The following RFTN1 variants were observed in gnomAD, a reference collection of about 807,000 sequenced individuals.
The protein encoded by RFTN1 is raftlin, lipid raft linker 1, also known as raftlin.
In RFTN1, 26 loss-of-function variants were observed where a neutral mutation model predicts 46.5. The ratio of observed to expected loss-of-function variants is 0.56; its 90% CI spans 0.41 to 0.78. The LOEUF is 0.78. Ranked by LOEUF, RFTN1 falls within the 30% of genes least tolerant of loss-of-function variation. RFTN1 has a pLI of 0.00. For missense variants in RFTN1, 693 were observed against 718.7 expected (o/e 0.96, Z 0.41); for synonymous variants, 261 against 284.2 (o/e 0.92, Z 0.82).
At chr3:16,434,995 G>T (rs2075474585) in intron 2 of RFTN1, among the ~76,000 whole-genome samples, 1 of 152,060 alleles carries the variant, frequency 6.6e-6, no homozygotes, top group Non-Finnish European at 1.5e-5. Flanking sequence ...TTTAAAATTT[G>T]GATTTTTAAT....
chr3:16,495,335 T>C (rs2076606916), intron 1 of RFTN1, among the ~76,000 whole-genome samples: 1 of 152,232 alleles, frequency 6.6e-6, no homozygotes, highest in Non-Finnish European at 1.5e-5. Context: ...AGCTTCTAAG[T>C]GTTGGGAACA....
chr3:16,432,870 C>A (rs891513922), intron 3 of RFTN1, among the ~76,000 whole-genome samples: 1 of 152,094 alleles, frequency 6.6e-6, no homozygotes, highest in Admixed American at 6.5e-5. Context: ...GCTTGATCAA[C>A]CATGAAGAAA....
intron 3 of RFTN1, among the ~76,000 whole-genome samples, chr3:16,414,983 C>T (rs1471103886): frequency 1.3e-5 from 2 of 151,996 alleles, no homozygotes; most frequent in Non-Finnish European, 2.9e-5. Flanking sequence ...AGAGGAAGTC[C>T]GTGGAGGGTG....
rs564966017 is a variant in RFTN1 at position 16,341,760 on chromosome 3, C to T, written c.1147-14884G>A. On this transcript the variant is annotated intron_variant, in intron 7 of 9. Transcript: ENST00000334133. This position sits in a 1 kb window ranked among gnomAD's most constrained non-coding sequence, Gnocchi z 4.7. ...TTAAAATTTTTCATAGATTGAAGTA[C>T]TCTATGGCCATTACAAATAATGAAG... Among the ~76,000 whole-genome samples the T allele has an allele frequency of 1.3e-5, 2 of 152,214 alleles. No homozygotes were observed. Among genetic ancestry groups the T allele is most frequent in the South Asian group, 2.1e-4 (1 of 4,820 alleles).
rs1177961432 is a variant in RFTN1, at chr3:16,484,783, A to C, written c.145+8942T>G. On this transcript the variant is annotated intron_variant, in intron 2 of 9. Transcript: ENST00000334133. This position sits in a 1 kb window ranked among gnomAD's most constrained non-coding sequence, Gnocchi z 4.6. ...AGGCTTTGCTGTTCAGTAAAACTACAAGATATCCTGCAAAGCTCCAAGTGC... is the reference window on the plus strand; with the variant it reads ...AGGCTTTGCTGTTCAGTAAAACTACCAGATATCCTGCAAAGCTCCAAGTGC... The C allele has an allele frequency of 2.6e-5, 4 of 152,222 alleles. No individual in the cohort carries two copies. The highest frequency in any genetic ancestry group is 5.9e-5 in the Non-Finnish European group (4 of 68,028). 9.4% of individuals were successfully genotyped at this position (152,222 alleles called of 1,614,324 possible).
At position 16,429,562 on chromosome 3, in the gene RFTN1, G is replaced by A. The variant is rs1383525384; in HGVS notation, c.332+4289C>T. Among the ~76,000 whole-genome samples the A allele has an allele frequency of 1.3e-5, 2 of 152,146 alleles. No individual in the cohort carries two copies. The highest frequency in any genetic ancestry group is 4.8e-5 in the African/African-American group (2 of 41,414). ...CATATCTCATTTACTTAATTAGACT[G>A]CAAGTGCTTGGAAGGCAGGCTCCAC... On this transcript the variant is annotated intron_variant, in intron 3 of 9. Transcript: ENST00000334133. This position sits in a 1 kb window ranked among gnomAD's most constrained non-coding sequence, Gnocchi z 6.4.
chr3:16,439,048 T>C (rs537992723), intron 2 of RFTN1, among the ~76,000 whole-genome samples: 206 of 152,332 alleles, frequency 1.4e-3, no homozygotes, highest in African/African-American at 4.8e-3. Flanking sequence ...CTGAGCAATT[T>C]TGTGGCTTTA....
chr3:16,462,950 G>C (rs1356928580), intron 2 of RFTN1, among the ~76,000 whole-genome samples: 1 of 152,238 alleles, frequency 6.6e-6, no homozygotes, highest in African/African-American at 2.4e-5. Flanking sequence ...AAGAATGCAA[G>C]AGACAATGAG....
intron 6 of RFTN1, among the ~76,000 whole-genome samples, chr3:16,364,435 G>C (rs1335151329): frequency 6.6e-6 from 1 of 152,174 alleles, no homozygotes; most frequent in Non-Finnish European, 1.5e-5. Context: ...AGTAGACATT[G>C]AGCTACTACT....
At position 16,465,956 on chromosome 3, in the gene RFTN1, G is replaced by A. The variant is rs1295750590; in HGVS notation, c.145+27769C>T. On this transcript the variant is annotated intron_variant, in intron 2 of 9. Coordinates refer to ENST00000334133, the MANE Select transcript of RFTN1 (RefSeq NM_015150.2). The surrounding 1 kb of genome is among the most constrained non-coding windows in gnomAD (Gnocchi z 5.1). ...GCCTCCCTGACAAGATTCCATAGTTGTTTCTCTCAGCGCTTAGATTTCTCC... is the reference window on the plus strand; with the variant it reads ...GCCTCCCTGACAAGATTCCATAGTTATTTCTCTCAGCGCTTAGATTTCTCC... Among the ~76,000 whole-genome samples, 2 of 152,186 alleles carry A rather than the reference G, an allele frequency of 1.3e-5. No individual in the cohort carries two copies. Among genetic ancestry groups the A allele is most frequent in the Non-Finnish European group, 2.9e-5 (2 of 68,034 alleles).
intron 2 of RFTN1, among the ~76,000 whole-genome samples, chr3:16,445,483 T>TCTCTCACACACACACACA (rs1352210263): frequency 3.5e-4 from 44 of 126,856 alleles, no homozygotes; most frequent in African/African-American, 1.3e-3. Context: ...TCTCTCTCTC[T>TCTCTCACACACACACACA]CACACACACA....
At chr3:16,403,352 T>A (rs972852901) in intron 4 of RFTN1, among the ~76,000 whole-genome samples, 1 of 151,548 alleles carries the variant, frequency 6.6e-6, no homozygotes, top group Non-Finnish European at 1.5e-5. Context: ...CTTCTCTGTG[T>A]CTCAGTTTCT....
At chr3:16,343,247 A>G (rs2071427288) in intron 7 of RFTN1, among the ~76,000 whole-genome samples, 1 of 152,176 alleles carries the variant, frequency 6.6e-6, no homozygotes, top group African/African-American at 2.4e-5. Context: ...ATTAGTGGTA[A>G]TGGAACATCC....
rs958267423 is a variant in RFTN1, at chr3:16,335,166, G to A, written c.1147-8290C>T. 6.6e-6 allele frequency among the ~76,000 whole-genome samples: 1 copy of A among 152,226 alleles called. No homozygotes were observed. Among genetic ancestry groups the A allele is most frequent in the Admixed American group, 6.5e-5 (1 of 15,286 alleles). ...TCTGTGATTTGTTGCCGCAGCAACA[G>A]GAAATTAATCCACAGCTCAGGGCCA... On this transcript the variant is annotated intron_variant, in intron 7 of 9. Transcript: ENST00000334133. This position sits in a 1 kb window ranked among gnomAD's most constrained non-coding sequence, Gnocchi z 4.7.
Position 16,494,588 on chromosome 3 carries a change from C to T in RFTN1, c.-8-711G>A, listed in dbSNP as rs546231656. Reference sequence around the variant, plus strand: ...TGGAAGCAGAAATCCACGTGTATTACAGCAAAAATCTGTAGTTCCAGTTTG... The same window carrying T: ...TGGAAGCAGAAATCCACGTGTATTATAGCAAAAATCTGTAGTTCCAGTTTG... On this transcript the variant is annotated intron_variant, in intron 1 of 9. Coordinates refer to ENST00000334133, the MANE Select transcript of RFTN1 (RefSeq NM_015150.2). 5.3e-5 allele frequency among the ~76,000 whole-genome samples: 8 copies of T among 152,234 alleles called. No individual in the cohort carries two copies. The East Asian group carries it at 7.7e-4, about 15-fold the overall frequency.
rs948937376 is a variant in RFTN1, at chr3:16,506,529, G to A, written c.-9+6913C>T. On this transcript the variant is annotated intron_variant, in intron 1 of 9. Coordinates refer to ENST00000334133, the MANE Select transcript of RFTN1 (RefSeq NM_015150.2). This position sits in a 1 kb window ranked among gnomAD's most constrained non-coding sequence, Gnocchi z 4.8. The stretch of plus-strand genomic sequence containing the variant: ...GTATATGTTTTGAAGGCAGAAAACA[G>A]GATTGACTGATGATTTGGAAAAAGG... Among the ~76,000 whole-genome samples the A allele has an allele frequency of 2.0e-5, 3 of 152,126 alleles. No homozygotes were observed. The highest frequency in any genetic ancestry group is 4.4e-5 in the Non-Finnish European group (3 of 68,034).
intron 6 of RFTN1, among the ~76,000 whole-genome samples, chr3:16,359,326 T>C (rs1345451069): frequency 6.6e-6 from 1 of 152,164 alleles, no homozygotes; most frequent in African/African-American, 2.4e-5. Flanking sequence ...ATCATAATAT[T>C]ATGGACTGAA....
chr3:16,430,103 C>T (rs894953821), intron 3 of RFTN1, among the ~76,000 whole-genome samples: 2 of 151,140 alleles, frequency 1.3e-5, no homozygotes, highest in South Asian at 2.1e-4. Context: ...AGAAAAAGTC[C>T]GTTTTTTTTT....
intron 2 of RFTN1, chr3:16,482,929 C>T (rs1005413222): frequency 1.8e-6 from 2 of 1,118,908 alleles, no homozygotes; most frequent in South Asian, 1.5e-5. Flanking sequence ...CCCCACCCAA[C>T]TCTGACCCTG....
Sources: gnomAD v4.1 joint callset for allele counts (sites outside exome capture counted in the v4.1 genomes callset) on GRCh38, gnomAD v4.1.1 for gene constraint, Gnocchi (gnomAD v3.1) non-coding constraint, MANE v1.5 for transcripts, NCBI Gene and HGNC (gene_info 2026-07-23, HGNC 2026-07-21) for gene names.